TMEM200A: variants seen among roughly 807,000 people sequenced by gnomAD.
TMEM200A encodes the protein two transmembrane C.
In TMEM200A, 12 loss-of-function variants were observed where a neutral mutation model predicts 24.3. The ratio of observed to expected loss-of-function variants is 0.49; its 90% CI spans 0.32 to 0.80. TMEM200A has a LOEUF of 0.80. Ranked by LOEUF, TMEM200A falls within the 30% of genes least tolerant of loss-of-function variation. TMEM200A has a pLI of 0.04. For missense variants in TMEM200A, 545 were observed against 614.4 expected (o/e 0.89, Z 1.19); for synonymous variants, 224 against 224.4 (o/e 1.00, Z 0.02).
chr6:130,424,826 T>G (rs1779690342), intron 2 of TMEM200A, among the ~76,000 whole-genome samples: 1 of 152,136 alleles, frequency 6.6e-6, no homozygotes, highest in Non-Finnish European at 1.5e-5. Flanking sequence ...GTTATGCTTC[T>G]TAAGCCTAAA....
At chr6:130,416,200 T>C (rs967609647) in intron 2 of TMEM200A, among the ~76,000 whole-genome samples, 1 of 152,196 alleles carries the variant, frequency 6.6e-6, no homozygotes, top group Non-Finnish European at 1.5e-5. Context: ...CATTTGATTC[T>C]AGTGTGAAGA....
At chr6:130,394,560 C>A (rs1458667409) in intron 2 of TMEM200A, among the ~76,000 whole-genome samples, 1 of 152,182 alleles carries the variant, frequency 6.6e-6, no homozygotes, top group Non-Finnish European at 1.5e-5. Flanking sequence ...TTACCAGTTT[C>A]TTTATATGTG....
chr6:130,402,555 C>A (rs1337637902), intron 2 of TMEM200A, among the ~76,000 whole-genome samples: 1 of 152,006 alleles, frequency 6.6e-6, no homozygotes, highest in Non-Finnish European at 1.5e-5. Flanking sequence ...TCTTTCTATA[C>A]CTTTGATATT....
At chr6:130,395,024 C>A (rs997109889) in intron 2 of TMEM200A, among the ~76,000 whole-genome samples, 1 of 152,192 alleles carries the variant, frequency 6.6e-6, no homozygotes, top group Non-Finnish European at 1.5e-5. Flanking sequence ...GTATCCTAGT[C>A]TTCTTTCTTT....
At chr6:130,376,545 A>C (rs13197115) in intron 1 of TMEM200A, among the ~76,000 whole-genome samples, 37,027 of 152,142 alleles carry the variant, frequency 0.24, 5,941 homozygotes, top group Non-Finnish European at 0.36. Context: ...TGGGACTCAC[A>C]AAGTGCTGGG....
chr6:130,372,381 C>T (rs1454196805), intron 1 of TMEM200A, among the ~76,000 whole-genome samples: 1 of 152,104 alleles, frequency 6.6e-6, no homozygotes, highest in Non-Finnish European at 1.5e-5. Context: ...CCCCTCAGTA[C>T]AGGATCTCTA....
In TMEM200A at chr6:130,428,260, A is replaced by AGGTTG. The variant is rs1779794480; in HGVS notation, c.-16-12146_-16-12142dup. On this transcript the variant is annotated intron_variant, in intron 2 of 2. Coordinates refer to ENST00000296978, the MANE Select transcript of TMEM200A (RefSeq NM_001258277.2). ...AGATACATGTGTTTTTTCAAAGAAG[A>AGGTTG]GGTTGTTTTTAACAAGTAAGGACAT... 2.0e-5 allele frequency among the ~76,000 whole-genome samples: 3 copies of AGGTTG among 152,124 alleles called. No homozygotes were observed. The East Asian group carries it at 5.8e-4, about 29-fold the overall frequency.
chr6:130,380,833 A>G (rs547967146), intron 1 of TMEM200A, among the ~76,000 whole-genome samples: 70 of 152,300 alleles, frequency 4.6e-4, no homozygotes, highest in African/African-American at 1.7e-3. Flanking sequence ...CACTATTAAA[A>G]TATTAAGGCT....
intron 1 of TMEM200A, among the ~76,000 whole-genome samples, chr6:130,380,643 A>G (rs116385574): frequency 2.4e-4 from 37 of 152,306 alleles, no homozygotes; most frequent in Middle Eastern, 3.4e-3. Flanking sequence ...GGAACATCAC[A>G]TCCTTGTTCT....
rs1002985322 is a variant in TMEM200A, at chr6:130,381,962, G to T, written c.-80-3211G>T. On this transcript the variant is annotated intron_variant, in intron 1 of 2. Coordinates refer to ENST00000296978, the MANE Select transcript of TMEM200A (RefSeq NM_001258277.2). ...TCACTCCAGAACACACTGCCATCTG[G>T]CTGCCTTGCTGAAGTGGCTCTCCTT... 8.1e-6 allele frequency: 8 copies of T among 985,378 alleles called. No homozygotes were observed. The South Asian group carries it at 1.4e-4, about 17-fold the overall frequency. The allele number at this position is 985,378 out of a possible 1,614,324, so 61.0% of individuals were successfully genotyped here. A position where few individuals can be genotyped will look rare whatever the true frequency, so the allele number is the denominator to read the frequency against.
chr6:130,431,809 A>G lies in TMEM200A; in HGVS notation c.-16-8598A>G, dbSNP rs538550082. Among the ~76,000 whole-genome samples, 4 of 152,292 alleles carry G rather than the reference A, an allele frequency of 2.6e-5. No homozygotes were observed. The East Asian group carries it at 7.7e-4, about 29-fold the overall frequency. On this transcript the variant is annotated intron_variant, in intron 2 of 2. Coordinates refer to ENST00000296978, the MANE Select transcript of TMEM200A (RefSeq NM_001258277.2). ...TGTCAGGCTGGCAGGTTTTGAAGGCATTACTAACAGAACAGGTGTAGATTT... is the reference window on the plus strand; with the variant it reads ...TGTCAGGCTGGCAGGTTTTGAAGGCGTTACTAACAGAACAGGTGTAGATTT...
rs1366149976 is a variant in TMEM200A at position 130,432,290 on chromosome 6, G to C, written c.-16-8117G>C. 2.0e-5 allele frequency among the ~76,000 whole-genome samples: 3 copies of C among 152,194 alleles called. No individual in the cohort carries two copies. The East Asian group carries it at 5.8e-4, about 29-fold the overall frequency. The stretch of plus-strand genomic sequence containing the variant: ...ATCACGAAGTTAACTAAAAACATCA[G>C]ATGAACGGGTTTAGGTTTTCCTACC... On this transcript the variant is annotated intron_variant, in intron 2 of 2. Transcript: ENST00000296978.
intron 2 of TMEM200A, among the ~76,000 whole-genome samples, chr6:130,424,903 C>T (rs1430108275): frequency 1.3e-5 from 2 of 151,982 alleles, no homozygotes; most frequent in Non-Finnish European, 2.9e-5. Flanking sequence ...CCTTGATTTT[C>T]CCGGCTGGGA....
At chr6:130,426,465 C>G (rs998013205) in intron 2 of TMEM200A, among the ~76,000 whole-genome samples, 1 of 150,064 alleles carries the variant, frequency 6.7e-6, no homozygotes, top group African/African-American at 2.4e-5. Flanking sequence ...CTGCAGCCCC[C>G]CCCCCCTCAG....
chr6:130,376,972 G>T (rs1778471274), intron 1 of TMEM200A, among the ~76,000 whole-genome samples: 1 of 152,108 alleles, frequency 6.6e-6, no homozygotes, highest in Admixed American at 6.5e-5. Flanking sequence ...CAAAATTAAT[G>T]ATGCTTGTTA....
chr6:130,411,190 G>T (rs919389051), intron 2 of TMEM200A, among the ~76,000 whole-genome samples: 3 of 151,962 alleles, frequency 2.0e-5, no homozygotes, highest in South Asian at 2.1e-4. Flanking sequence ...AATCAATATG[G>T]CATCTTACAT....
At chr6:130,425,456 T>G (rs576853341) in intron 2 of TMEM200A, among the ~76,000 whole-genome samples, 117 of 152,148 alleles carry the variant, frequency 7.7e-4, no homozygotes, top group African/African-American at 2.3e-3. Context: ...CTTATTCAGA[T>G]TTAGGAAGAA....
At chr6:130,393,528 C>T (rs922008903) in intron 2 of TMEM200A, among the ~76,000 whole-genome samples, 1 of 152,182 alleles carries the variant, frequency 6.6e-6, no homozygotes, top group African/African-American at 2.4e-5. Context: ...CACGGCTTCA[C>T]ATGCGAGCCT....
At chr6:130,430,600 TA>T (rs1426103122) in intron 2 of TMEM200A, among the ~76,000 whole-genome samples, 1 of 152,156 alleles carries the variant, frequency 6.6e-6, no homozygotes, top group Non-Finnish European at 1.5e-5. Flanking sequence ...CGTTTACCAT[TA>T]AGGTTTCATC....
Sources: gnomAD v4.1 joint callset for allele counts (sites outside exome capture counted in the v4.1 genomes callset) on GRCh38, gnomAD v4.1.1 for gene constraint, MANE v1.5 for transcripts, NCBI Gene and HGNC (gene_info 2026-07-23, HGNC 2026-07-21) for gene names.